Variants in TNRC6C observed in about 807,000 individuals in gnomAD.
TNRC6C encodes the protein trinucleotide repeat-containing gene 6C protein.
TNRC6C carries 20 observed loss-of-function variants against 153.7 expected under a neutral mutation model. That is an observed-to-expected ratio of 0.13 (90% confidence interval 0.09 to 0.19). The LOEUF is 0.19. Ranked by LOEUF, TNRC6C falls within the 10% of genes least tolerant of loss-of-function variation. The pLI is 1.00. For missense variants in TNRC6C, 1,987 were observed against 2,172.0 expected, an observed-to-expected ratio of 0.91 and a Z score of 1.69; for synonymous variants, 811 against 841.4, an observed-to-expected ratio of 0.96 and a Z score of 0.63.
chr17:77,980,791 C>T (rs1024714201), intron 1 of TNRC6C, among the ~76,000 whole-genome samples: 8 of 152,104 alleles, frequency 5.3e-5, no homozygotes, highest in African/African-American at 1.9e-4. Context: ...GAAATAATTA[C>T]GTTTACCAGG....
In TNRC6C at chr17:78,075,060, C is replaced by G; in HGVS notation, c.2918-76C>G. 6.5e-7 allele frequency: 1 copy of G among 1,548,448 alleles called. No individual in the cohort carries two copies. Among genetic ancestry groups the G allele is most frequent in the Non-Finnish European group, 8.8e-7 (1 of 1,140,346 alleles). On this transcript the variant is annotated intron_variant, in intron 7 of 19. Transcript: ENST00000301624. The surrounding 1 kb of genome is among the most constrained non-coding windows in gnomAD (Gnocchi z 4.2). ...GGAGGGTCTCCATCCCTCCTTGAGGCCTTAGCTGGTGCCTATCTTGTGCTC... is the reference window on the plus strand; with the variant it reads ...GGAGGGTCTCCATCCCTCCTTGAGGGCTTAGCTGGTGCCTATCTTGTGCTC...
In TNRC6C at chr17:78,079,557, A is replaced by G. The variant is rs1201734276; in HGVS notation, c.3357+16A>G. The G allele has an allele frequency of 1.2e-6, 2 of 1,613,272 alleles. No homozygotes were observed. Among genetic ancestry groups the G allele is most frequent in the Non-Finnish European group, 1.7e-6 (2 of 1,179,486 alleles). ...ATCCCCTCAGGTCAGACCCACATCC[A>G]AGCAGGACTGAGCAACAGGATATAG... On this transcript the variant is annotated intron_variant, in intron 10 of 19. Transcript: ENST00000301624. The surrounding 1 kb of genome is among the most constrained non-coding windows in gnomAD (Gnocchi z 4.3).
chr17:78,031,940 A>G, intron 2 of TNRC6C, 98 bp downstream of exon 4: 1 of 1,021,522 alleles, frequency 9.8e-7, no homozygotes, highest in South Asian at 5.2e-5. Context: ...TTTGGTCCAT[A>G]CTCACAACAT....
exon 3 of TNRC6C, chr17:78,050,206 A>G (rs1598733566): frequency 1.3e-6 from 2 of 1,539,858 alleles, no homozygotes; most frequent in East Asian, 2.3e-5. Flanking sequence ...TGGTGAACAC[A>G]TGAACTCCTG....
At chr17:78,081,193 A>G (rs1336947272) in intron 10 of TNRC6C, among the ~76,000 whole-genome samples, 2 of 151,886 alleles carry the variant, frequency 1.3e-5, no homozygotes, top group Admixed American at 6.6e-5. Context: ...GATCCAATTC[A>G]TGGGGGCTCC....
At chr17:77,975,503 T>TA (rs566537796) in intron 1 of TNRC6C, among the ~76,000 whole-genome samples, 7 of 152,188 alleles carry the variant, frequency 4.6e-5, no homozygotes, top group Non-Finnish European at 8.8e-5. Context: ...AGACCTCCCT[T>TA]ATAATTTTGC....
chr17:78,020,050 A>T (rs1457924901), intron 1 of TNRC6C, among the ~76,000 whole-genome samples: 1 of 152,222 alleles, frequency 6.6e-6, no homozygotes, highest in Non-Finnish European at 1.5e-5. Flanking sequence ...TGCTTGATTC[A>T]AAGATCCAAA....
At chr17:78,021,757 A>G (rs2071836568) in intron 1 of TNRC6C, among the ~76,000 whole-genome samples, 2 of 152,054 alleles carry the variant, frequency 1.3e-5, no homozygotes, top group South Asian at 4.1e-4. Flanking sequence ...TTTAGTAGAG[A>G]TGGGGTTTCA....
intron 16 of TNRC6C, among the ~76,000 whole-genome samples, chr17:78,096,806 CTTCTTGCT>C (rs2144609090): frequency 6.6e-6 from 1 of 152,346 alleles, no homozygotes; most frequent in Non-Finnish European, 1.5e-5. Flanking sequence ...TCTTCTCCAG[CTTCTTGCT>C]TTCTTCACAG....
At chr17:78,050,287 G>A in exon 3 of TNRC6C, 1 of 1,552,142 alleles carries the variant, frequency 6.4e-7, no homozygotes, top group Non-Finnish European at 8.7e-7. Flanking sequence ...CCACAATGAA[G>A]GAAGCACTGG....
chr17:78,029,938 T>C (rs1465406655), intron 1 of TNRC6C, among the ~76,000 whole-genome samples: 2 of 152,060 alleles, frequency 1.3e-5, no homozygotes, highest in Admixed American at 6.6e-5. Flanking sequence ...TTTCATCTCC[T>C]GTGATAACAA....
At chr17:78,052,056 G>A (rs1046353704) in intron 3 of TNRC6C, among the ~76,000 whole-genome samples, 1 of 152,142 alleles carries the variant, frequency 6.6e-6, no homozygotes, top group East Asian at 1.9e-4. Flanking sequence ...GAATGAAGAG[G>A]GAAGAGATCC....
rs958969103 is a variant in TNRC6C, at chr17:78,075,437, A to T, written c.3060+159A>T. On this transcript the variant is annotated intron_variant, in intron 8 of 19. Transcript: ENST00000301624. The surrounding 1 kb of genome is among the most constrained non-coding windows in gnomAD (Gnocchi z 4.2). ...CTAACATTATGAACATTTAACTCAA[A>T]GAAGGGAATGTCGTATTTCATAAGA... The T allele has an allele frequency of 6.1e-6, 5 of 820,568 alleles. No homozygotes were observed. Among genetic ancestry groups the T allele is most frequent in the East Asian group, 2.7e-5 (1 of 37,084 alleles). The allele number at this position is 820,568 out of a possible 1,614,324, so 50.8% of individuals were successfully genotyped here.
At chr17:78,005,920 C>T (rs999199746) in intron 1 of TNRC6C, among the ~76,000 whole-genome samples, 27 of 151,978 alleles carry the variant, frequency 1.8e-4, no homozygotes, top group Admixed American at 1.8e-3. Flanking sequence ...CAGTATCTAG[C>T]ATATAATTGG....
At chr17:78,035,687 A>G (rs1657804053) in intron 2 of TNRC6C, among the ~76,000 whole-genome samples, 1 of 152,224 alleles carries the variant, frequency 6.6e-6, no homozygotes, top group African/African-American at 2.4e-5. Flanking sequence ...ACAGTGCAGT[A>G]AAGCTTTCTC....
At chr17:77,967,404 G>T (rs185409646) in intron 1 of TNRC6C, among the ~76,000 whole-genome samples, 2 of 152,136 alleles carry the variant, frequency 1.3e-5, no homozygotes, top group African/African-American at 4.8e-5. Flanking sequence ...AGTCATGCGG[G>T]GGGGGAGAGA....
intron 3 of TNRC6C, among the ~76,000 whole-genome samples, chr17:78,064,066 CAG>C (rs1334858384): frequency 1.3e-5 from 2 of 152,066 alleles, no homozygotes; most frequent in Admixed American, 6.5e-5. Context: ...TGTTTTGAGA[CAG>C]ATTCTTGCTC....
chr17:78,067,340 C>A (rs1402165471), intron 4 of TNRC6C, among the ~76,000 whole-genome samples: 1 of 151,186 alleles, frequency 6.6e-6, no homozygotes, highest in Non-Finnish European at 1.5e-5. Flanking sequence ...GACCCTGTTT[C>A]AAAAAAAAGA....
At chr17:78,099,569 C>T (rs562122766) in intron 17 of TNRC6C, among the ~76,000 whole-genome samples, 78 of 152,146 alleles carry the variant, frequency 5.1e-4, no homozygotes, top group Non-Finnish European at 8.7e-4. Flanking sequence ...ATCACGAGAA[C>T]AGCATGGAAA....
Sources: gnomAD v4.1 joint callset for allele counts (sites outside exome capture counted in the v4.1 genomes callset) on GRCh38, gnomAD v4.1.1 for gene constraint, Gnocchi (gnomAD v3.1) non-coding constraint, MANE v1.5 for transcripts, NCBI Gene and HGNC (gene_info 2026-07-23, HGNC 2026-07-21) for gene names.